ADAD1: variants seen among roughly 807,000 people sequenced by gnomAD.
ADAD1 encodes adenosine deaminase domain-containing protein 1.
ADAD1 carries 46 observed loss-of-function variants against 66.8 expected under a neutral mutation model. That is an observed-to-expected ratio of 0.69 (90% CI 0.54 to 0.88). The LOEUF (loss-of-function observed/expected upper bound fraction) is 0.88, where lower values mean the gene tolerates loss of function less well. ADAD1 is among the 40% of genes least tolerant of loss of function. ADAD1 has a pLI of 0.00. For missense variants in ADAD1, 617 were observed against 681.8 expected, an observed-to-expected ratio of 0.91 and a Z score of 1.06; for synonymous variants, 248 against 229.4, an observed-to-expected ratio of 1.08 and a Z score of -0.73.
At chr4:122,381,999 A>G (rs183970060) in intron 4 of ADAD1, among the ~76,000 whole-genome samples, 4 of 152,334 alleles carry the variant, frequency 2.6e-5, no homozygotes, top group Admixed American at 1.3e-4. Flanking sequence ...TTACAGCGAC[A>G]TCAAGTTTCA....
intron 7 of ADAD1, among the ~76,000 whole-genome samples, 155 bp downstream of exon 7, chr4:122,396,532 T>C (rs951363065): frequency 6.6e-6 from 1 of 152,172 alleles, no homozygotes; most frequent in African/African-American, 2.4e-5. Flanking sequence ...TTCTCCAAGG[T>C]AGAGATAAAG....
In ADAD1 at chr4:122,383,805, T is replaced by C. The variant is rs1168132471; in HGVS notation, c.368T>C (p.Val123Ala). The change falls in exon 5 of 13, where the codon GTT becomes GCT. Residue 123 changes from valine to alanine, a missense_variant. Coordinates refer to ENST00000296513, the MANE Select transcript of ADAD1 (RefSeq NM_139243.4). Reference sequence around the variant, plus strand: ...TTCTGAGTTCTTTTTCAAGGTAATGTTATGGGACCATATTTTGCCTTTTGT... The same window carrying C: ...TTCTGAGTTCTTTTTCAAGGTAATGCTATGGGACCATATTTTGCCTTTTGT... ...DLKETVTTGN[V>A]MGPYFAFCAV... 1 of 1,597,236 alleles carries C rather than the reference T, an allele frequency of 6.3e-7. No individual in the cohort carries two copies. The highest frequency in any genetic ancestry group is 1.7e-4 in the Middle Eastern group (1 of 5,966).
In ADAD1 at chr4:122,421,323, G is replaced by A. The variant is rs778239614; in HGVS notation, c.1550G>A (p.Arg517Gln). ...CTTTGTAAGGCTGCAATGTTAAGTC[G>A]GTTTAACCTGCTTGCCAAAGAAGCT... ...SRLCKAAMLS[R>Q]FNLLAKEAKK... The change falls in exon 12 of 13, where the codon CGG (arginine) becomes CAG (glutamine). Residue 517 changes from arginine (R) to glutamine (Q), a missense_variant. Arg to Gln is a conservative substitution (Grantham distance 43). Transcript: ENST00000296513. 5.5e-5 allele frequency: 89 copies of A among 1,605,920 alleles called. No homozygotes were observed. Among genetic ancestry groups the A allele is most frequent in the South Asian group, 7.8e-5 (7 of 90,112 alleles).
chr4:122,418,310 T>C (rs945808280), intron 11 of ADAD1, among the ~76,000 whole-genome samples: 10 of 122,200 alleles, frequency 8.2e-5, no homozygotes, highest in Admixed American at 6.6e-4. Flanking sequence ...TATTTTCTTT[T>C]TTTTTTTTTT....
At chr4:122,389,525 G>C (rs1220376609) in intron 5 of ADAD1, among the ~76,000 whole-genome samples, 1 of 152,180 alleles carries the variant, frequency 6.6e-6, no homozygotes, top group East Asian at 1.9e-4. Context: ...CTTGTTTTAT[G>C]AATCTGGGTG....
intron 11 of ADAD1, among the ~76,000 whole-genome samples, chr4:122,419,365 G>T (rs1162417256): frequency 1.3e-5 from 2 of 152,158 alleles, no homozygotes; most frequent in Non-Finnish European, 1.5e-5. Context: ...ACAACACACA[G>T]TGAGGCCTTT....
intron 4 of ADAD1, among the ~76,000 whole-genome samples, chr4:122,382,365 A>G (rs927397557): frequency 2.0e-5 from 3 of 152,246 alleles, no homozygotes; most frequent in African/African-American, 7.2e-5. Context: ...TTAGATTTAC[A>G]CTAAAGTTTG....
At chr4:122,379,618 GC>G in intron 2 of ADAD1, 173 bp downstream of exon 2, 1 of 155,332 alleles carries the variant, frequency 6.4e-6, no homozygotes, top group Non-Finnish European at 1.4e-5. Context: ...CCGCCTGCGA[GC>G]CCCCGGCCTG....
intron 5 of ADAD1, among the ~76,000 whole-genome samples, chr4:122,391,071 A>C (rs1366339353): frequency 6.6e-6 from 1 of 151,806 alleles, no homozygotes; most frequent in Admixed American, 6.6e-5. Context: ...TGTTGATGCT[A>C]TTGTTGCTTT....
intron 6 of ADAD1, among the ~76,000 whole-genome samples, chr4:122,395,314 G>C (rs1795650337): frequency 1.3e-5 from 2 of 151,878 alleles, no homozygotes; most frequent in Admixed American, 1.3e-4. Context: ...GCCTCCCAAA[G>C]TACTGGGATT....
At chr4:122,410,025 AATTCTC>A in intron 8 of ADAD1, among the ~76,000 whole-genome samples, 1 of 152,258 alleles carries the variant, frequency 6.6e-6, no homozygotes, top group East Asian at 1.9e-4. Context: ...TAGGATAACA[AATTCTC>A]ATTCAGCTTC....
At chr4:122,408,056 T>A in intron 8 of ADAD1, 25 bp downstream of exon 8, 1 of 1,590,866 alleles carries the variant, frequency 6.3e-7, no homozygotes, top group East Asian at 2.3e-5. Flanking sequence ...ATATTAATGT[T>A]ATTAAATATG....
chr4:122,414,176 A>G (rs1796605066), intron 10 of ADAD1, among the ~76,000 whole-genome samples: 1 of 149,622 alleles, frequency 6.7e-6, no homozygotes, highest in Admixed American at 6.6e-5. Context: ...ACTTCCCATT[A>G]AAGCATCTAC....
chr4:122,410,222 G>A (rs1222365577), intron 8 of ADAD1, among the ~76,000 whole-genome samples: 1 of 152,140 alleles, frequency 6.6e-6, no homozygotes, highest in Non-Finnish European at 1.5e-5. Context: ...AAGACTATGA[G>A]GGTAATGCAT....
At chr4:122,388,177 T>TTG (rs1795265760) in intron 5 of ADAD1, among the ~76,000 whole-genome samples, 1 of 152,220 alleles carries the variant, frequency 6.6e-6, no homozygotes, top group Admixed American at 6.5e-5. Context: ...ATTTATTGAT[T>TTG]TGTGTATGTT....
chr4:122,421,728 G>A (rs1250165042), intron 12 of ADAD1, among the ~76,000 whole-genome samples: 3 of 151,914 alleles, frequency 2.0e-5, no homozygotes, highest in Non-Finnish European at 4.4e-5. Context: ...AGAATGTTAA[G>A]TATTCTAAAA....
intron 10 of ADAD1, among the ~76,000 whole-genome samples, chr4:122,414,283 G>C (rs531542489): frequency 2.5e-5 from 3 of 118,724 alleles, no homozygotes; most frequent in Non-Finnish European, 3.5e-5. Context: ...TTTGGGGGGG[G>C]GGGTACAACT....
chr4:122,423,997 G>A (rs1427478653), intron 12 of ADAD1, among the ~76,000 whole-genome samples: 2 of 152,156 alleles, frequency 1.3e-5, no homozygotes, highest in Non-Finnish European at 2.9e-5. Context: ...TTTGTGACTC[G>A]TGAATTATAT....
intron 9 of ADAD1, among the ~76,000 whole-genome samples, chr4:122,412,254 A>G (rs1156675023): frequency 6.6e-6 from 1 of 152,174 alleles, no homozygotes; most frequent in Non-Finnish European, 1.5e-5. Context: ...AATTTTAAAA[A>G]ATTTTCATAC....
Sources: allele counts gnomAD v4.1 joint callset (sites outside exome capture counted in the v4.1 genomes callset), GRCh38; gene constraint gnomAD v4.1.1; transcripts MANE v1.5; gene names NCBI Gene and HGNC (gene_info 2026-07-23, HGNC 2026-07-21).